The following WDR7 variants were observed in gnomAD, a reference collection of about 807,000 sequenced individuals.
The protein encoded by WDR7 is WD repeat domain 7, also known as WD repeat-containing protein 7.
In WDR7, 46 loss-of-function variants were observed where a neutral mutation model predicts 169.4. That is an observed-to-expected ratio of 0.27 (90% CI 0.21 to 0.35). WDR7 has a LOEUF of 0.35. Ranked by LOEUF, WDR7 falls within the 10% of genes least tolerant of loss-of-function variation. The pLI, the probability that WDR7 is intolerant of heterozygous loss-of-function variation, is 1.00. For synonymous variants in WDR7, 612 were observed against 666.8 expected (o/e 0.92, Z 1.27); for missense variants, 1,534 against 1,859.3 (o/e 0.83, Z 3.22).
chr18:56,722,708 G>C (rs1345134349), intron 13 of WDR7, among the ~76,000 whole-genome samples: 1 of 151,848 alleles, frequency 6.6e-6, no homozygotes, highest in Non-Finnish European at 1.5e-5. Context: ...TTGAAGGAAG[G>C]GGTTGTTAGA....
At chr18:56,711,836 G>GTTAATGTGATAA (rs1476113365) in intron 12 of WDR7, among the ~76,000 whole-genome samples, 1 of 152,058 alleles carries the variant, frequency 6.6e-6, no homozygotes, top group Non-Finnish European at 1.5e-5. Context: ...CGTGATAAAT[G>GTTAATGTGATAA]ATGCATCTTA....
intron 14 of WDR7, among the ~76,000 whole-genome samples, chr18:56,746,425 C>T (rs1481336102): frequency 6.6e-6 from 1 of 152,158 alleles, no homozygotes; most frequent in Non-Finnish European, 1.5e-5. Flanking sequence ...GCAGATTTAT[C>T]AGCATAGCCC....
Position 56,897,619 on chromosome 18 carries a change from A to C in WDR7, c.3526+17454A>C, listed in dbSNP as rs1299612301. Among the ~76,000 whole-genome samples the C allele has an allele frequency of 3.3e-5, 5 of 152,070 alleles. No homozygotes were observed. In the South Asian group the frequency reaches 8.3e-4, roughly 25 times the overall value. On this transcript the variant is annotated intron_variant, in intron 21 of 27. Coordinates refer to ENST00000254442, the MANE Select transcript of WDR7 (RefSeq NM_015285.3). ...GCTTCATAAATATTGTAAGACATTG[A>C]TATTTTTTATGTTGTCACATAAAAA...
chr18:56,823,250 C>T (rs1240024369), intron 20 of WDR7, among the ~76,000 whole-genome samples: 1 of 152,120 alleles, frequency 6.6e-6, no homozygotes, highest in Non-Finnish European at 1.5e-5. Context: ...GTCCTCCTGC[C>T]TGAATGTCCT....
intron 1 of WDR7, among the ~76,000 whole-genome samples, chr18:56,660,334 G>A (rs1418567358): frequency 6.6e-6 from 1 of 152,164 alleles, no homozygotes; most frequent in Non-Finnish European, 1.5e-5. Context: ...CTGGGGAACT[G>A]TCAAAATCTG....
intron 22 of WDR7, among the ~76,000 whole-genome samples, chr18:56,925,688 G>C (rs1164312449): frequency 1.3e-5 from 2 of 152,180 alleles, no homozygotes; most frequent in Non-Finnish European, 2.9e-5. Flanking sequence ...GACCAGAGAA[G>C]CAATTGAAGG....
intron 20 of WDR7, among the ~76,000 whole-genome samples, chr18:56,855,765 G>A (rs1403888835): frequency 1.3e-5 from 2 of 152,098 alleles, no homozygotes; most frequent in African/African-American, 4.8e-5. Flanking sequence ...CTTCAGAAGT[G>A]TCTTGGTTAT....
chr18:56,947,224 A>G (rs2047116604), intron 25 of WDR7, among the ~76,000 whole-genome samples: 1 of 152,218 alleles, frequency 6.6e-6, no homozygotes, highest in Admixed American at 6.5e-5. Flanking sequence ...CTGCTGCAGC[A>G]CTGAATTAGT....
At chr18:57,004,593 C>T (rs943716110) in intron 26 of WDR7, among the ~76,000 whole-genome samples, 5 of 152,084 alleles carry the variant, frequency 3.3e-5, no homozygotes, top group African/African-American at 1.2e-4. Context: ...TGTGGAAACA[C>T]TGCAACCTAC....
In WDR7 at chr18:56,756,606, TA is replaced by T; in HGVS notation, c.2015del (p.Asn672ThrfsTer3). On this transcript the variant is annotated frameshift_variant, in exon 15 of 28. Coordinates refer to ENST00000254442, the MANE Select transcript of WDR7 (RefSeq NM_015285.3). LOFTEE classifies it high-confidence loss of function. Reference sequence around the variant, plus strand: ...AGGGAAATTTACCTAAATATTCTCATAACTCCCTGATGGTTCAAGCAATAAA... The same window carrying T: ...AGGGAAATTTACCTAAATATTCTCATACTCCCTGATGGTTCAAGCAATAAA... The part of the protein sequence containing the change: ...DKGNLPKYSH[N>X]SLMVQAIKTN... 1.9e-6 allele frequency: 3 copies of T among 1,596,112 alleles called. No homozygotes were observed. The South Asian group carries it at 3.5e-5, about 18-fold the overall frequency.
chr18:56,997,915 T>C (rs1449855365), intron 26 of WDR7, among the ~76,000 whole-genome samples: 1 of 152,226 alleles, frequency 6.6e-6, no homozygotes, highest in East Asian at 1.9e-4. Context: ...TGTATGTGTC[T>C]GTGTTATAAA....
At chr18:56,936,995 C>T (rs2046969380) in intron 23 of WDR7, among the ~76,000 whole-genome samples, 1 of 151,536 alleles carries the variant, frequency 6.6e-6, no homozygotes, top group African/African-American at 2.4e-5. Context: ...TTTTTTTTGC[C>T]AGTTTTTCCC....
chr18:56,960,047 T>C (rs1475791087), intron 25 of WDR7, among the ~76,000 whole-genome samples: 1 of 152,184 alleles, frequency 6.6e-6, no homozygotes, highest in Non-Finnish European at 1.5e-5. Flanking sequence ...TAACAAGAAA[T>C]CCTAAGATTA....
At chr18:56,993,826 A>G (rs1193430327) in intron 26 of WDR7, among the ~76,000 whole-genome samples, 3 of 152,164 alleles carry the variant, frequency 2.0e-5, no homozygotes, top group Non-Finnish European at 4.4e-5. Context: ...TCTTCGGATT[A>G]CTGGATACAT....
At chr18:56,863,904 A>G (rs1237204539) in intron 20 of WDR7, among the ~76,000 whole-genome samples, 2 of 151,834 alleles carry the variant, frequency 1.3e-5, no homozygotes, top group Non-Finnish European at 3.0e-5. Flanking sequence ...AAATGTATTG[A>G]AAGAGTTCTA....
chr18:56,665,642 C>T (rs1056808052), intron 1 of WDR7, among the ~76,000 whole-genome samples: 1 of 152,232 alleles, frequency 6.6e-6, no homozygotes, highest in African/African-American at 2.4e-5. Context: ...GATTTGTGGA[C>T]ATTGAAGTTC....
At chr18:56,788,909 T>C (rs975755979) in intron 19 of WDR7, among the ~76,000 whole-genome samples, 2 of 152,200 alleles carry the variant, frequency 1.3e-5, no homozygotes, top group Admixed American at 6.5e-5. Flanking sequence ...TGATACTTTA[T>C]ATTGTGAGGC....
intron 16 of WDR7, among the ~76,000 whole-genome samples, chr18:56,762,208 A>G (rs1394466796): frequency 6.6e-6 from 1 of 151,954 alleles, no homozygotes; most frequent in Admixed American, 6.5e-5. Flanking sequence ...CTTATAAATT[A>G]TTGTATTTGA....
intron 18 of WDR7, among the ~76,000 whole-genome samples, chr18:56,779,766 G>C (rs2044290974): frequency 6.6e-6 from 1 of 152,142 alleles, no homozygotes; most frequent in South Asian, 2.1e-4. Context: ...AAAGAATTCA[G>C]TGACTGTTTG....
Sources: allele counts gnomAD v4.1 joint callset (sites outside exome capture counted in the v4.1 genomes callset), GRCh38; gene constraint gnomAD v4.1.1; transcripts MANE v1.5; gene names NCBI Gene and HGNC (gene_info 2026-07-23, HGNC 2026-07-21).